Variants in EML6 observed in about 807,000 individuals in gnomAD.
The protein encoded by EML6 is EMAP like 6.
Under a neutral mutation model 240.1 loss-of-function variants are expected in EML6, and 154 were observed. The observed-to-expected ratio is 0.64, with a 90% CI of 0.56 to 0.73. The LOEUF is 0.73. Among genes scored for constraint, EML6 ranks in the 30% least tolerant of loss-of-function variants. The pLI, the probability that EML6 is intolerant of heterozygous loss-of-function variation, is 0.00. For synonymous variants in EML6, 1,148 were observed against 899.0 expected, an observed-to-expected ratio of 1.28 and a Z score of -4.95; for missense variants, 2,964 against 2,474.6, an observed-to-expected ratio of 1.20 and a Z score of -4.20.
At chr2:54,846,624 C>T (rs1174159055) in intron 8 of EML6, among the ~76,000 whole-genome samples, 1 of 151,838 alleles carries the variant, frequency 6.6e-6, no homozygotes, top group Non-Finnish European at 1.5e-5. Flanking sequence ...GCTGGGATTA[C>T]AGGCATGCCC....
At chr2:54,892,034 T>G (rs1558656777) in intron 18 of EML6, among the ~76,000 whole-genome samples, 1 of 151,516 alleles carries the variant, frequency 6.6e-6, no homozygotes, top group Non-Finnish European at 1.5e-5. Context: ...TTTATCGTTT[T>G]TGGTCAGCAT....
At position 54,968,745 on chromosome 2, in the gene EML6, C is replaced by T. The variant is rs1676861346; in HGVS notation, c.5829C>T (p.Val1943=). Residue 1943 remains valine, a synonymous_variant, in exon 41 of 42, where the codon GTC becomes GTT. Coordinates refer to ENST00000356458, the MANE Select transcript of EML6 (RefSeq NM_001039753.4). ...TCTCTTATGATGACAAGTATGTGGTCAGCACTGGAGGAGACGACTGCAGGT... is the reference window on the plus strand; with the variant it reads ...TCTCTTATGATGACAAGTATGTGGTTAGCACTGGAGGAGACGACTGCAGGT... ...IRFSYDDKYV[V]STGGDDCSVF... 1.3e-6 allele frequency: 2 copies of T among 1,547,322 alleles called. No individual in the cohort carries two copies. The highest frequency in any genetic ancestry group is 1.7e-6 in the Non-Finnish European group (2 of 1,143,068).
At chr2:54,785,644 C>T (rs1669049728) in intron 2 of EML6, among the ~76,000 whole-genome samples, 1 of 152,108 alleles carries the variant, frequency 6.6e-6, no homozygotes, top group Non-Finnish European at 1.5e-5. Context: ...ATTCCATGTA[C>T]TGTCTGTGTG....
chr2:54,916,014 C>T (rs927003919), intron 25 of EML6, among the ~76,000 whole-genome samples: 1 of 152,146 alleles, frequency 6.6e-6, no homozygotes, highest in Non-Finnish European at 1.5e-5. Context: ...ATACAAATTA[C>T]AAATATTCTA....
intron 2 of EML6, among the ~76,000 whole-genome samples, chr2:54,783,513 G>A (rs889002336): frequency 2.6e-5 from 4 of 152,162 alleles, no homozygotes; most frequent in African/African-American, 9.7e-5. Context: ...TTAAGGAAGT[G>A]AAATAGAGAC....
chr2:54,962,585 T>C lies in EML6; in HGVS notation c.5031T>C (p.Ala1677=). 6.5e-7 allele frequency: 1 copy of C among 1,550,178 alleles called. No homozygotes were observed. Among genetic ancestry groups the C allele is most frequent in the Non-Finnish European group, 8.7e-7 (1 of 1,146,234 alleles). Residue 1677 remains alanine, a synonymous_variant, in exon 36 of 42, where the codon GCT becomes GCC. Transcript: ENST00000356458. ...TTGAAGTTGGTGAAAAAAATGCTGC[T>C]TCTAACATCCTGATTGATGGTCACA... ...EIIEVGEKNA[A]SNILIDGHME...
intron 2 of EML6, among the ~76,000 whole-genome samples, chr2:54,789,512 T>TCAAAAAAAA (rs1669294330): frequency 8.2e-5 from 1 of 12,232 alleles, no homozygotes; most frequent in Non-Finnish European, 1.7e-4. Context: ...AGACTTCGTC[T>TCAAAAAAAA]CAAAAAAAAA....
At chr2:54,943,170 C>T (rs536333202) in intron 28 of EML6, among the ~76,000 whole-genome samples, 5 of 152,346 alleles carry the variant, frequency 3.3e-5, no homozygotes, top group South Asian at 4.1e-4. Flanking sequence ...GCCACTGGCA[C>T]GCATTCCATC....
At chr2:54,742,433 T>C (rs970159214) in intron 2 of EML6, among the ~76,000 whole-genome samples, 5 of 152,216 alleles carry the variant, frequency 3.3e-5, no homozygotes, top group Admixed American at 3.3e-4. Context: ...ACAACTACAG[T>C]GTCACCATCT....
At chr2:54,934,367 C>T (rs1675023538) in intron 28 of EML6, among the ~76,000 whole-genome samples, 1 of 152,054 alleles carries the variant, frequency 6.6e-6, no homozygotes, top group Non-Finnish European at 1.5e-5. Context: ...GAGACTGGCT[C>T]AGGGCTTGGC....
chr2:54,789,380 G>A lies in EML6; in HGVS notation c.198-23852G>A, dbSNP rs541297135. 5.0e-4 allele frequency among the ~76,000 whole-genome samples: 76 copies of A among 151,450 alleles called. 1 individual carries two copies. The highest frequency in any genetic ancestry group is 4.4e-3 in the Admixed American group (67 of 15,206). On this transcript the variant is annotated intron_variant, in intron 2 of 41. Transcript: ENST00000356458. The stretch of plus-strand genomic sequence containing the variant: ...TACAAAAAAATTAGCCGGGCGTGAT[G>A]GCGGGCGCCTGTAGTCCCAGCTACT...
chr2:54,781,575 A>G (rs946995503), intron 2 of EML6, among the ~76,000 whole-genome samples: 1 of 152,214 alleles, frequency 6.6e-6, no homozygotes, highest in Non-Finnish European at 1.5e-5. Flanking sequence ...AGATTGCTAA[A>G]TATGTTTTAA....
chr2:54,941,607 CA>C (rs1675430907), intron 28 of EML6, among the ~76,000 whole-genome samples: 1 of 152,190 alleles, frequency 6.6e-6, no homozygotes, highest in Non-Finnish European at 1.5e-5. Context: ...AAGCTTGGCC[CA>C]ATAAATGGGG....
chr2:54,825,229 A>G (rs1389370354), intron 5 of EML6, among the ~76,000 whole-genome samples: 1 of 152,204 alleles, frequency 6.6e-6, no homozygotes, highest in Non-Finnish European at 1.5e-5. Flanking sequence ...GAGAAAGGGA[A>G]CTGTCTGCCT....
intron 7 of EML6, among the ~76,000 whole-genome samples, chr2:54,842,263 T>A (rs1319043451): frequency 2.6e-5 from 4 of 152,252 alleles, no homozygotes; most frequent in African/African-American, 4.8e-5. Context: ...TGCCCCAGAT[T>A]TTTAATTTTG....
intron 2 of EML6, among the ~76,000 whole-genome samples, chr2:54,773,572 G>A (rs1668484911): frequency 6.6e-6 from 1 of 152,244 alleles, no homozygotes; most frequent in East Asian, 1.9e-4. Context: ...GATGTATGAA[G>A]TATTGGTTTC....
At chr2:54,900,082 T>C (rs910493923) in intron 22 of EML6, among the ~76,000 whole-genome samples, 2 of 152,218 alleles carry the variant, frequency 1.3e-5, no homozygotes, top group Admixed American at 6.5e-5. Flanking sequence ...TCAATTGAAA[T>C]TCATCAGCTT....
At chr2:54,875,238 CACTT>C (rs1447367795) in intron 16 of EML6, among the ~76,000 whole-genome samples, 2 of 152,324 alleles carry the variant, frequency 1.3e-5, no homozygotes, top group Non-Finnish European at 2.9e-5. Flanking sequence ...CAGAAACACA[CACTT>C]ACCTGAAGTA....
intron 2 of EML6, chr2:54,747,147 A>T (rs1368068405): frequency 6.6e-6 from 1 of 152,230 alleles, no homozygotes. Context: ...GATACATAAC[A>T]TTTTGGTAAA....
Sources: allele counts gnomAD v4.1 joint callset (sites outside exome capture counted in the v4.1 genomes callset), GRCh38; gene constraint gnomAD v4.1.1; transcripts MANE v1.5; gene names NCBI Gene and HGNC (gene_info 2026-07-23, HGNC 2026-07-21).